Variants in CDC45 observed in about 807,000 individuals in gnomAD.
CDC45 encodes the protein cell division control protein 45 homolog.
In CDC45, 54 loss-of-function variants were observed where a neutral mutation model predicts 77.8. That is an observed-to-expected ratio of 0.69 (90% CI 0.56 to 0.87). CDC45 has a LOEUF of 0.87. CDC45 is among the 40% of genes least tolerant of loss of function. The pLI is 0.00. For missense variants in CDC45, 649 were observed against 721.6 expected, an observed-to-expected ratio of 0.90 and a Z score of 1.15; for synonymous variants, 260 against 272.1, an observed-to-expected ratio of 0.96 and a Z score of 0.44.
chr22:19,518,048 G>T (rs1313270098), intron 17 of CDC45, among the ~76,000 whole-genome samples: 1 of 152,254 alleles, frequency 6.6e-6, no homozygotes, highest in African/African-American at 2.4e-5. Context: ...CCCAGCCATG[G>T]CTGTGGCACT....
At chr22:19,489,134 C>T (rs1253328579) in intron 5 of CDC45, among the ~76,000 whole-genome samples, 1 of 152,084 alleles carries the variant, frequency 6.6e-6, no homozygotes, top group Non-Finnish European at 1.5e-5. Flanking sequence ...TGTGAGCACA[C>T]AACTGCATTC....
At chr22:19,490,367 T>TTCTTTA (rs1283822448) in intron 5 of CDC45, among the ~76,000 whole-genome samples, 8 of 151,968 alleles carry the variant, frequency 5.3e-5, no homozygotes, top group South Asian at 4.1e-4. Context: ...TTTCTTGTTC[T>TTCTTTA]TTGTTATTTG....
rs908286214 is a variant in CDC45 at position 19,479,968 on chromosome 22, T to G, written c.-1T>G. 1.2e-5 allele frequency: 19 copies of G among 1,613,414 alleles called. No homozygotes were observed. Among genetic ancestry groups the G allele is most frequent in the Non-Finnish European group, 1.5e-5 (18 of 1,179,986 alleles). On this transcript the variant is annotated 5_prime_UTR_variant, in exon 1 of 19. Coordinates refer to ENST00000263201, the MANE Select transcript of CDC45 (RefSeq NM_003504.5). ...GCGCCAGGCGTCCGGCCGCCGTGGC[T>G]ATGTTCGTGTCCGATTTCCGCAAAG...
chr22:19,498,337 G>A (rs974382341), intron 8 of CDC45, among the ~76,000 whole-genome samples: 1 of 152,244 alleles, frequency 6.6e-6, no homozygotes, highest in Non-Finnish European at 1.5e-5. Context: ...TGCAGAAAAG[G>A]AGGCAGCTCT....
At chr22:19,504,749 C>G (rs1933062960) in intron 9 of CDC45, among the ~76,000 whole-genome samples, 10 of 152,166 alleles carry the variant, frequency 6.6e-5, no homozygotes, top group Admixed American at 6.5e-4. Context: ...GCAGCTCAGT[C>G]AGTAGCTCCA....
chr22:19,502,494 AT>A (rs1412189167), intron 9 of CDC45, among the ~76,000 whole-genome samples: 1 of 152,212 alleles, frequency 6.6e-6, no homozygotes, highest in African/African-American at 2.4e-5. Context: ...ATCTAAATTT[AT>A]TTTAACCCAC....
chr22:19,512,047 C>T (rs906147470), intron 13 of CDC45, among the ~76,000 whole-genome samples: 2 of 151,920 alleles, frequency 1.3e-5, no homozygotes, highest in South Asian at 2.1e-4. Flanking sequence ...TGCCACTGCA[C>T]CTGGCTAATT....
intron 17 of CDC45, among the ~76,000 whole-genome samples, chr22:19,517,718 T>G (rs1671373283): frequency 6.6e-6 from 1 of 152,188 alleles, no homozygotes; most frequent in Admixed American, 6.5e-5. Context: ...TTCCTCTGCA[T>G]ACCTCCTTGG....
intron 2 of CDC45, 39 bp downstream of exon 2, chr22:19,480,256 C>A (rs2146323812): frequency 1.3e-6 from 2 of 1,591,450 alleles, no homozygotes; most frequent in Non-Finnish European, 8.6e-7. Flanking sequence ...GGCCGGCGCG[C>A]GAGGTGAGGG....
intron 10 of CDC45, among the ~76,000 whole-genome samples, chr22:19,507,162 C>A (rs1933235740): frequency 6.6e-6 from 1 of 152,190 alleles, no homozygotes; most frequent in Non-Finnish European, 1.5e-5. Context: ...GATTCTCTGC[C>A]TGTCAGACGG....
At chr22:19,505,571 C>A in intron 10 of CDC45, 90 bp downstream of exon 10, 1 of 1,460,356 alleles carries the variant, frequency 6.8e-7, no homozygotes, top group Non-Finnish European at 9.5e-7. Context: ...GTTCTGGCCA[C>A]ATCCCCAGGA....
chr22:19,494,190 C>T (rs557351341), intron 5 of CDC45, 137 bp from the exon 6 acceptor site: 104 of 730,822 alleles, frequency 1.4e-4, no homozygotes, highest in South Asian at 7.1e-4. Flanking sequence ...AGGCTGTGCT[C>T]GGGGCACTGG....
intron 12 of CDC45, among the ~76,000 whole-genome samples, 197 bp from the exon 13 acceptor site, chr22:19,508,333 A>G (rs1298318234): frequency 6.6e-6 from 1 of 152,142 alleles, no homozygotes; most frequent in Non-Finnish European, 1.5e-5. Flanking sequence ...AGCTGTTGAC[A>G]AGAAGGCACC....
intron 1 of CDC45, 35 bp from the exon 2 acceptor site, chr22:19,480,123 T>G (rs1344824871): frequency 6.2e-7 from 1 of 1,613,278 alleles, no homozygotes; most frequent in Admixed American, 1.7e-5. Flanking sequence ...GGGGTTCGGG[T>G]CGCCGTGTTC....
chr22:19,500,261 T>A (rs185925873), intron 9 of CDC45, among the ~76,000 whole-genome samples: 5 of 152,304 alleles, frequency 3.3e-5, no homozygotes, highest in Admixed American at 3.3e-4. Flanking sequence ...GGGGTCTTCC[T>A]GCTCTCATTG....
At chr22:19,502,681 C>A (rs1011110472) in intron 9 of CDC45, among the ~76,000 whole-genome samples, 2 of 152,204 alleles carry the variant, frequency 1.3e-5, no homozygotes, top group African/African-American at 4.8e-5. Flanking sequence ...AGGCTGTGAA[C>A]TAAAATTTTG....
intron 5 of CDC45, among the ~76,000 whole-genome samples, chr22:19,491,982 T>C (rs2090160227): frequency 6.6e-6 from 1 of 152,050 alleles, no homozygotes; most frequent in Admixed American, 6.6e-5. Flanking sequence ...TTTTTTGTAT[T>C]TTTAGTAGAG....
In CDC45 at chr22:19,502,363, C is replaced by G. The variant is rs370039327; in HGVS notation, c.705-2999C>G. Among the ~76,000 whole-genome samples, 5 of 152,316 alleles carry G rather than the reference C, an allele frequency of 3.3e-5. No homozygotes were observed. In the East Asian group the frequency reaches 9.6e-4, roughly 29 times the overall value. ...TAAAGCCAGCTTATTTACTAAAGAT[C>G]ATTTAAGTCACATGAAGTTGAAAAA... is the stretch of plus-strand genomic sequence containing the variant. On this transcript the variant is annotated intron_variant, in intron 9 of 18. Coordinates refer to ENST00000263201, the MANE Select transcript of CDC45 (RefSeq NM_003504.5).
chr22:19,515,706 G>A lies in CDC45; in HGVS notation c.1440+658G>A, dbSNP rs13447278. Among the ~76,000 whole-genome samples the A allele has an allele frequency of 1.4e-4, 22 of 152,318 alleles. No individual in the cohort carries two copies. The East Asian group carries it at 4.0e-3, about 28-fold the overall frequency. ...CCAGGTAATGTCAAAGATAAACTAG[G>A]GACAGAGCATGGGCCTTGACGTCCT... On this transcript the variant is annotated intron_variant, in intron 15 of 18. Coordinates refer to ENST00000263201, the MANE Select transcript of CDC45 (RefSeq NM_003504.5).
Sources: gnomAD v4.1 joint callset for allele counts (sites outside exome capture counted in the v4.1 genomes callset) on GRCh38, gnomAD v4.1.1 for gene constraint, MANE v1.5 for transcripts, NCBI Gene and HGNC (gene_info 2026-07-23, HGNC 2026-07-21) for gene names.